The following LIN7A variants were observed in gnomAD, a reference collection of about 807,000 sequenced individuals.
LIN7A encodes lin-7 cell polarity scaffold A, also known as protein lin-7 homolog A.
A neutral mutation model predicts 29.8 loss-of-function variants in LIN7A; 25 were observed. The ratio of observed to expected loss-of-function variants is 0.84; its 90% confidence interval spans 0.61 to 1.17. The LOEUF (loss-of-function observed/expected upper bound fraction) is 1.17. Ranked by LOEUF, LIN7A falls within the 50% of genes most tolerant of loss-of-function variation. LIN7A has a pLI of 0.00. For synonymous variants in LIN7A, 118 were observed against 107.5 expected, an observed-to-expected ratio of 1.10 and a Z score of -0.60; for missense variants, 239 against 287.0, an observed-to-expected ratio of 0.83 and a Z score of 1.21.
intron 2 of LIN7A, among the ~76,000 whole-genome samples, chr12:80,869,750 T>TG: frequency 1.5e-5 from 1 of 64,602 alleles, no homozygotes; most frequent in South Asian, 3.8e-4. Flanking sequence ...CGCCAATGGT[T>TG]TTTTTTTTTT....
At chr12:80,871,184 T>C (rs1874410736) in intron 2 of LIN7A, among the ~76,000 whole-genome samples, 1 of 152,160 alleles carries the variant, frequency 6.6e-6, no homozygotes, top group Non-Finnish European at 1.5e-5. Flanking sequence ...GGATAAAGAA[T>C]GGGATGAGAG....
At chr12:80,932,936 A>G (rs773509952) in intron 1 of LIN7A, among the ~76,000 whole-genome samples, 9 of 152,244 alleles carry the variant, frequency 5.9e-5, no homozygotes, top group Non-Finnish European at 1.2e-4. Context: ...CCTCTGATGT[A>G]GAGAAGAGTT....
intron 2 of LIN7A, among the ~76,000 whole-genome samples, chr12:80,866,380 T>G (rs538832497): frequency 6.6e-6 from 1 of 152,338 alleles, no homozygotes; most frequent in Admixed American, 6.5e-5. Flanking sequence ...TTGACTCTAT[T>G]ATACTCTTCT....
intron 2 of LIN7A, among the ~76,000 whole-genome samples, chr12:80,875,013 C>T (rs558503272): frequency 9.2e-5 from 14 of 152,166 alleles, no homozygotes; most frequent in African/African-American, 2.4e-4. Context: ...AACAAACAAA[C>T]GAAACAAAAA....
chr12:80,825,282 C>T (rs1301872885), intron 4 of LIN7A, among the ~76,000 whole-genome samples: 1 of 152,238 alleles, frequency 6.6e-6, no homozygotes, highest in Non-Finnish European at 1.5e-5. Context: ...TTTTTGCCCA[C>T]TCTGCAATTC....
intron 4 of LIN7A, chr12:80,841,895 A>T (rs1481791055): frequency 9.7e-7 from 1 of 1,036,260 alleles, no homozygotes; most frequent in Non-Finnish European, 1.2e-6. Flanking sequence ...CCTCCTATTA[A>T]TGTTAAATTT....
chr12:80,911,943 G>T (rs977325202), intron 1 of LIN7A, among the ~76,000 whole-genome samples: 1 of 151,942 alleles, frequency 6.6e-6, no homozygotes, highest in Non-Finnish European at 1.5e-5. Flanking sequence ...TAATACATAC[G>T]TTGAATACGT....
At chr12:80,893,126 G>A (rs1189141339) in intron 1 of LIN7A, among the ~76,000 whole-genome samples, 1 of 151,926 alleles carries the variant, frequency 6.6e-6, no homozygotes, top group Non-Finnish European at 1.5e-5. Flanking sequence ...ATTTTTTTAG[G>A]TTTCTTTCAT....
At chr12:80,937,564 C>T in intron 1 of LIN7A, 77 bp downstream of exon 1, 1 of 1,102,910 alleles carries the variant, frequency 9.1e-7, no homozygotes, top group Non-Finnish European at 1.2e-6. Context: ...GTCCCATGTC[C>T]CGTTGGGAAT....
At chr12:80,820,659 C>CACACACACACACACACA (rs1555222258) in intron 4 of LIN7A, among the ~76,000 whole-genome samples, 1 of 95,982 alleles carries the variant, frequency 1.0e-5, no homozygotes, top group Non-Finnish European at 2.7e-5. Flanking sequence ...ACACACACAC[C>CACACACACACACACACA]CATCTTCAGG....
At chr12:80,894,032 T>G (rs1875759215) in intron 1 of LIN7A, among the ~76,000 whole-genome samples, 1 of 152,212 alleles carries the variant, frequency 6.6e-6, no homozygotes, top group Admixed American at 6.5e-5. Flanking sequence ...AACAGAATTC[T>G]GATTCCCTTA....
chr12:80,869,188 A>G (rs1874300692), intron 2 of LIN7A, among the ~76,000 whole-genome samples: 1 of 151,134 alleles, frequency 6.6e-6, no homozygotes, highest in Admixed American at 6.6e-5. Flanking sequence ...ATATATACAT[A>G]TACATAAAAG....
At chr12:80,884,028 AT>A (rs1316929998) in intron 2 of LIN7A, among the ~76,000 whole-genome samples, 4 of 152,198 alleles carry the variant, frequency 2.6e-5, no homozygotes, top group East Asian at 1.9e-4. Flanking sequence ...AGACAAAAAA[AT>A]CTCTTTATAA....
chr12:80,875,998 C>A (rs1340285608), intron 2 of LIN7A, among the ~76,000 whole-genome samples: 1 of 151,902 alleles, frequency 6.6e-6, no homozygotes, highest in Non-Finnish European at 1.5e-5. Context: ...TAGTTTATGG[C>A]ACATACTCAT....
intron 3 of LIN7A, among the ~76,000 whole-genome samples, chr12:80,847,243 A>G (rs1337855068): frequency 6.6e-6 from 1 of 152,210 alleles, no homozygotes; most frequent in Non-Finnish European, 1.5e-5. Context: ...ATGGTAAAAC[A>G]CTACACAATT....
chr12:80,892,497 C>A (rs901179562), intron 1 of LIN7A, among the ~76,000 whole-genome samples: 3 of 152,102 alleles, frequency 2.0e-5, no homozygotes, highest in African/African-American at 7.2e-5. Context: ...AGAGACTACA[C>A]TGGGTGAAGT....
At chr12:80,886,769 C>A (rs543723886) in intron 2 of LIN7A, among the ~76,000 whole-genome samples, 1 of 152,180 alleles carries the variant, frequency 6.6e-6, no homozygotes, top group African/African-American at 2.4e-5. Flanking sequence ...GACACACATA[C>A]CCACTTTACC....
At chr12:80,830,875 C>T (rs1383219518) in intron 4 of LIN7A, among the ~76,000 whole-genome samples, 2 of 152,096 alleles carry the variant, frequency 1.3e-5, no homozygotes, top group Non-Finnish European at 2.9e-5. Context: ...CTCCTTTGAC[C>T]TCCACCTTGA....
At chr12:80,799,186 G>A (rs934064384) in intron 5 of LIN7A, among the ~76,000 whole-genome samples, 2 of 152,132 alleles carry the variant, frequency 1.3e-5, no homozygotes, top group Non-Finnish European at 2.9e-5. Flanking sequence ...TCAACATGTG[G>A]GCCACTGACA....
Sources: allele counts gnomAD v4.1 joint callset (sites outside exome capture counted in the v4.1 genomes callset), GRCh38; gene constraint gnomAD v4.1.1; transcripts MANE v1.5; gene names NCBI Gene and HGNC (gene_info 2026-07-23, HGNC 2026-07-21).